The following SIPA1L1 variants were observed in gnomAD, a reference collection of about 807,000 sequenced individuals.
SIPA1L1 encodes the protein signal-induced proliferation-associated 1-like protein 1.
In SIPA1L1, 26 loss-of-function variants were observed where a neutral mutation model predicts 162.7. That is an observed-to-expected ratio of 0.16 (90% confidence interval 0.12 to 0.22). The LOEUF is 0.22. SIPA1L1 is among the 10% of genes least tolerant of loss of function. The pLI is 1.00. For missense variants in SIPA1L1, 1,874 were observed against 2,241.0 expected (o/e 0.84, Z 3.31); for synonymous variants, 829 against 837.4 (o/e 0.99, Z 0.17).
At chr14:71,671,901 CTGTGTG>C (rs34919280) in intron 11 of SIPA1L1, among the ~76,000 whole-genome samples, 28,650 of 142,284 alleles carry the variant, frequency 0.2, 3,440 homozygotes, top group African/African-American at 0.36. Flanking sequence ...CACATTTACT[CTGTGTG>C]TGTGTGTGTG....
At chr14:71,604,893 T>G (rs1272944396) in intron 5 of SIPA1L1, among the ~76,000 whole-genome samples, 3 of 152,058 alleles carry the variant, frequency 2.0e-5, no homozygotes. Context: ...TGTTTGGGGA[T>G]CTGTAAGCTT....
intron 23 of SIPA1L1, 36 bp downstream of exon 23, chr14:71,738,361 G>A (rs1793791979): frequency 1.4e-6 from 2 of 1,417,242 alleles, no homozygotes; most frequent in Non-Finnish European, 2.0e-6. Context: ...TGTCCAGTCT[G>A]TACAAACTAC....
At chr14:71,600,826 T>C (rs575730275) in intron 5 of SIPA1L1, among the ~76,000 whole-genome samples, 1 of 152,268 alleles carries the variant, frequency 6.6e-6, no homozygotes, top group Admixed American at 6.5e-5. Flanking sequence ...ATTTTTCTTT[T>C]CTTGTTTTTT....
At chr14:71,502,159 C>T (rs1398192922) in intron 2 of SIPA1L1, among the ~76,000 whole-genome samples, 1 of 126,566 alleles carries the variant, frequency 7.9e-6, no homozygotes, top group African/African-American at 3.0e-5. Context: ...CATGGTTGTT[C>T]TTAAAAACCA....
At chr14:71,341,353 C>T (rs954212101) in intron 2 of SIPA1L1, among the ~76,000 whole-genome samples, 6 of 152,184 alleles carry the variant, frequency 3.9e-5, no homozygotes, top group African/African-American at 1.4e-4. Flanking sequence ...TTTCATCTTG[C>T]AGCATGGATT....
chr14:71,429,404 ATT>A (rs10718594), intron 2 of SIPA1L1, among the ~76,000 whole-genome samples: 13 of 150,412 alleles, frequency 8.6e-5, no homozygotes, highest in African/African-American at 1.7e-4. Context: ...AATATCTGTA[ATT>A]TTTTTTTTTT....
chr14:71,461,675 G>A (rs2141906062), intron 2 of SIPA1L1, among the ~76,000 whole-genome samples: 1 of 152,298 alleles, frequency 6.6e-6, no homozygotes, highest in Non-Finnish European at 1.5e-5. Context: ...GTATATAATT[G>A]CACATCTGGC....
intron 7 of SIPA1L1, among the ~76,000 whole-genome samples, chr14:71,627,543 C>T (rs2040152490): frequency 6.6e-6 from 1 of 152,128 alleles, no homozygotes; most frequent in Admixed American, 6.5e-5. Flanking sequence ...ATTTATAACA[C>T]TTGATGCTTT....
chr14:71,608,298 A>G (rs1370251161), intron 5 of SIPA1L1, among the ~76,000 whole-genome samples: 1 of 152,114 alleles, frequency 6.6e-6, no homozygotes, highest in Non-Finnish European at 1.5e-5. Context: ...CCTTAACTGA[A>G]TTTCTGGCTA....
chr14:71,354,523 C>T (rs1013063714), intron 2 of SIPA1L1, among the ~76,000 whole-genome samples: 3 of 151,720 alleles, frequency 2.0e-5, no homozygotes, highest in East Asian at 1.9e-4. Context: ...GCAATCTGCC[C>T]GCCTTGGCCT....
chr14:71,346,442 A>G (rs1366409458), intron 2 of SIPA1L1, among the ~76,000 whole-genome samples: 1 of 152,210 alleles, frequency 6.6e-6, no homozygotes, highest in African/African-American at 2.4e-5. Context: ...AAGTTGTGCA[A>G]GACCCTCTTG....
intron 17 of SIPA1L1, among the ~76,000 whole-genome samples, chr14:71,715,441 A>G (rs1318066366): frequency 6.6e-6 from 1 of 152,222 alleles, no homozygotes; most frequent in African/African-American, 2.4e-5. Flanking sequence ...ACTGCATTTC[A>G]GCAGTCAGCT....
chr14:71,463,643 C>T (rs906597975), intron 2 of SIPA1L1, among the ~76,000 whole-genome samples: 2 of 152,166 alleles, frequency 1.3e-5, no homozygotes, highest in Admixed American at 1.3e-4. Flanking sequence ...GGGGACCCGG[C>T]CTCCCCTTCA....
At chr14:71,507,590 A>G (rs2050779744) in intron 2 of SIPA1L1, among the ~76,000 whole-genome samples, 1 of 152,138 alleles carries the variant, frequency 6.6e-6, no homozygotes, top group Admixed American at 6.6e-5. Context: ...TGCACCATCA[A>G]TTTAACTCAT....
chr14:71,656,913 G>A (rs1566579951), intron 8 of SIPA1L1, among the ~76,000 whole-genome samples: 1 of 152,334 alleles, frequency 6.6e-6, no homozygotes, highest in East Asian at 1.9e-4. Context: ...GGTGGGCCCT[G>A]GGAATCTGCC....
At chr14:71,615,338 A>T (rs1188258539) in intron 5 of SIPA1L1, among the ~76,000 whole-genome samples, 21 of 152,204 alleles carry the variant, frequency 1.4e-4, no homozygotes, top group African/African-American at 2.4e-5. Context: ...TTGGGTAACC[A>T]TGAAAAGGGT....
At chr14:71,567,553 G>T (rs942476797) in intron 4 of SIPA1L1, among the ~76,000 whole-genome samples, 5 of 152,090 alleles carry the variant, frequency 3.3e-5, no homozygotes, top group African/African-American at 9.7e-5. Context: ...CTGCTCAATG[G>T]AGCAAACTTA....
chr14:71,665,743 C>G (rs2043941177), intron 10 of SIPA1L1, among the ~76,000 whole-genome samples: 1 of 152,152 alleles, frequency 6.6e-6, no homozygotes, highest in South Asian at 2.1e-4. Context: ...CCAAGACCCC[C>G]AGAGGATGCC....
At chr14:71,479,689 T>C (rs1237664514) in intron 2 of SIPA1L1, among the ~76,000 whole-genome samples, 1 of 152,158 alleles carries the variant, frequency 6.6e-6, no homozygotes, top group Non-Finnish European at 1.5e-5. Flanking sequence ...ATTACAGACA[T>C]GAACCAACAC....
Sources: gnomAD v4.1 joint callset for allele counts (sites outside exome capture counted in the v4.1 genomes callset) on GRCh38, gnomAD v4.1.1 for gene constraint, MANE v1.5 for transcripts, NCBI Gene and HGNC (gene_info 2026-07-23, HGNC 2026-07-21) for gene names.